Variants in FRYL observed in about 807,000 individuals in gnomAD.
FRYL encodes the protein FRY like transcription coactivator, also known as protein furry homolog-like.
FRYL carries 150 observed loss-of-function variants against 351.2 expected under a neutral mutation model. The observed-to-expected ratio is 0.43, with a 90% CI of 0.37 to 0.49. The LOEUF is 0.49. Among genes scored for constraint, FRYL ranks in the 20% least tolerant of loss-of-function variants. FRYL has a pLI of 0.00. For synonymous variants in FRYL, 1,153 were observed against 1,257.1 expected (o/e 0.92, Z 1.75); for missense variants, 3,036 against 3,619.3 (o/e 0.84, Z 4.13).
intron 3 of FRYL, chr4:48,680,917 G>A (rs757859289): frequency 2.2e-5 from 24 of 1,107,610 alleles, no homozygotes; most frequent in Admixed American, 1.5e-4. Flanking sequence ...AAAGAAATAC[G>A]TTTTTACTTT....
Position 48,521,055 on chromosome 4 carries a change from A to T in FRYL, c.7682T>A (p.Leu2561Gln). ...GCCTCCATTTCTCCCCACCTCAGGCAGCCGGCTGTTAGCATTATCTAGAGA... is the reference window on the plus strand; with the variant it reads ...GCCTCCATTTCTCCCCACCTCAGGCTGCCGGCTGTTAGCATTATCTAGAGA... ...EASLDNANSR[L>Q]PEDTTSVLKE... The change falls in exon 55 of 64, where the codon CTG becomes CAG. Residue 2561 changes from leucine (L) to glutamine (Q), a missense_variant. Leu to Gln is a moderately radical substitution (Grantham distance 113, BLOSUM62 -2). This residue lies in a region of FRYL where 1,987 missense variants were observed against 2,311.7 expected (regional missense o/e 0.86). Coordinates refer to ENST00000358350, the MANE Select transcript of FRYL (RefSeq NM_015030.2). 6.2e-7 allele frequency: 1 copy of T among 1,609,876 alleles called. No individual in the cohort carries two copies. Among genetic ancestry groups the T allele is most frequent in the Non-Finnish European group, 8.5e-7 (1 of 1,177,870 alleles).
chr4:48,739,760 C>A (rs1164849147), intron 1 of FRYL, among the ~76,000 whole-genome samples: 1 of 152,138 alleles, frequency 6.6e-6, no homozygotes, highest in Non-Finnish European at 1.5e-5. Flanking sequence ...GAAACTTAAT[C>A]CTCGATGTGG....
At chr4:48,609,534 A>T (rs1747605089) in intron 8 of FRYL, among the ~76,000 whole-genome samples, 1 of 152,022 alleles carries the variant, frequency 6.6e-6, no homozygotes, top group Non-Finnish European at 1.5e-5. Context: ...AGTTGGGAGG[A>T]TCACTTGAGC....
chr4:48,700,659 A>C (rs1386492997), intron 2 of FRYL, among the ~76,000 whole-genome samples: 4 of 150,106 alleles, frequency 2.7e-5, no homozygotes, highest in Non-Finnish European at 5.9e-5. Flanking sequence ...AATCCTAGCC[A>C]GGCATGGTGG....
At chr4:48,505,438 ACAAATATTCTTTATTTTTAGAAATAAT>A in intron 60 of FRYL, 82 bp downstream of exon 60, 1 of 722,548 alleles carries the variant, frequency 1.4e-6, no homozygotes, top group Non-Finnish European at 2.4e-6. Context: ...GAAAAGTTTT[ACAAATATTCTTTATTTTTAGAAATAAT>A]CAAATAAGGA....
At chr4:48,536,371 A>G (rs1577996300) in intron 47 of FRYL, among the ~76,000 whole-genome samples, 2 of 152,310 alleles carry the variant, frequency 1.3e-5, no homozygotes, top group East Asian at 1.9e-4. Flanking sequence ...AGAATCTCCA[A>G]TGGATGACAG....
At position 48,765,284 on chromosome 4, in the gene FRYL, T is replaced by C. The variant is rs149448446; in HGVS notation, c.-384+14794A>G. On this transcript the variant is annotated intron_variant, in intron 1 of 63. Transcript: ENST00000358350. ...CAAAGCTATACCAATCAAAGCAGTA[T>C]AGGATTGGCATAAAAACAGATAGAG... 7.1e-3 allele frequency among the ~76,000 whole-genome samples: 1,079 copies of C among 152,242 alleles called. 12 individuals carry two copies. Among genetic ancestry groups the C allele is most frequent in the Non-Finnish European group, 0.01 (694 of 68,024 alleles).
intron 3 of FRYL, among the ~76,000 whole-genome samples, chr4:48,665,899 C>T (rs1325791106): frequency 2.0e-5 from 3 of 152,218 alleles, no homozygotes; most frequent in Non-Finnish European, 2.9e-5. Context: ...TAGTAAACTA[C>T]ATTTTCAATC....
intron 19 of FRYL, among the ~76,000 whole-genome samples, chr4:48,583,886 C>A (rs1175964117): frequency 6.8e-6 from 1 of 148,000 alleles, no homozygotes; most frequent in Admixed American, 6.8e-5. Context: ...GCCTGGGCAA[C>A]AGAGCAAGAC....
At chr4:48,586,010 A>C (rs1742021355) in intron 19 of FRYL, among the ~76,000 whole-genome samples, 1 of 152,188 alleles carries the variant, frequency 6.6e-6, no homozygotes, top group South Asian at 2.1e-4. Context: ...TTTCCAGAAA[A>C]ATGTGCTGAT....
intron 3 of FRYL, among the ~76,000 whole-genome samples, chr4:48,644,507 AAAAAAAAAAGT>A (rs1755990837): frequency 6.6e-6 from 1 of 151,372 alleles, no homozygotes; most frequent in African/African-American, 2.4e-5. Flanking sequence ...TAAAAAAAAA[AAAAAAAAAAGT>A]ACCCCCTGCA....
chr4:48,505,421 C>A, intron 60 of FRYL, 126 bp downstream of exon 60: 8 of 627,486 alleles, frequency 1.3e-5, no homozygotes, highest in African/African-American at 1.9e-5. Context: ...GTTTTGATAA[C>A]CAAAATGAAA....
intron 36 of FRYL, 46 bp downstream of exon 36, chr4:48,553,169 G>C: frequency 2.7e-6 from 4 of 1,485,944 alleles, no homozygotes; most frequent in Non-Finnish European, 3.7e-6. Flanking sequence ...AGCAGATGAA[G>C]ATGTCTATCA....
chr4:48,581,571 G>A lies in FRYL; in HGVS notation c.2021C>T (p.Pro674Leu), dbSNP rs751377910. Residue 674 changes from proline (P) to leucine (L), a missense_variant, in exon 21 of 64, where the codon CCT becomes CTT. Physicochemically the swap from Pro to Leu is moderately conservative, Grantham distance 98. This residue lies in a region of FRYL where 492 missense variants were observed against 551.5 expected (regional missense o/e 0.89). Coordinates refer to ENST00000358350, the MANE Select transcript of FRYL (RefSeq NM_015030.2). ...ATTGGAATATGGGCTCCTTTCCAGA[G>A]GAGGGGGATGAGAAGCTCCATTAGC... ...GVANGASHPPPLERSPYSNVF... is the reference protein window; with the variant it reads ...GVANGASHPPLLERSPYSNVF... 6.2e-7 allele frequency: 1 copy of A among 1,612,246 alleles called. No individual in the cohort carries two copies. Among genetic ancestry groups the A allele is most frequent in the South Asian group, 1.1e-5 (1 of 90,628 alleles).
intron 1 of FRYL, among the ~76,000 whole-genome samples, chr4:48,719,306 A>G (rs1769207626): frequency 6.6e-6 from 1 of 151,610 alleles, no homozygotes; most frequent in African/African-American, 2.4e-5. Flanking sequence ...GATCTAACGC[A>G]TGCTTTATTC....
In FRYL at chr4:48,512,462, AACCCTGAACCTC is replaced by A. The variant is rs1722685076; in HGVS notation, c.8145+7_8145+18del. On this transcript the variant is annotated splice_region_variant and intron_variant, in intron 57 of 63. Coordinates refer to ENST00000358350, the MANE Select transcript of FRYL (RefSeq NM_015030.2). Reference sequence around the variant, plus strand: ...TAGGTAACTATAATATGAATTCAGAAACCCTGAACCTCACTGACCTGAAACAGCCTAGAAAAC... The same window carrying A: ...TAGGTAACTATAATATGAATTCAGAAACTGACCTGAAACAGCCTAGAAAAC... The A allele has an allele frequency of 3.8e-6, 6 of 1,564,644 alleles. No individual in the cohort carries two copies. Among genetic ancestry groups the A allele is most frequent in the Non-Finnish European group, 3.5e-6 (4 of 1,142,114 alleles).
chr4:48,556,987 G>A lies in FRYL; in HGVS notation c.4257C>T (p.Leu1419=). 6.3e-7 allele frequency: 1 copy of A among 1,589,224 alleles called. No individual in the cohort carries two copies. The highest frequency in any genetic ancestry group is 8.6e-7 in the Non-Finnish European group (1 of 1,165,046). Residue 1419 remains leucine (L), a synonymous_variant, in exon 35 of 64, where the codon CTC becomes CTT. Transcript: ENST00000358350. ...GAACTTGAATACATACGTAAGGCAA[G>A]AGGCTTGGTTCGCTATTCACCCCAC... ...SICGVNSEPS[L]LPYVKKVIVY... is the part of the protein sequence containing the mutation.
rs1357200070 is a variant in FRYL, at chr4:48,498,453, A to AAAAT, written c.*965_*968dup. 2 of 152,642 alleles carry AAAAT rather than the reference A, an allele frequency of 1.3e-5. No individual in the cohort carries two copies. The highest frequency in any genetic ancestry group is 1.9e-4 in the East Asian group (1 of 5,202). The allele number at this position is 152,642 out of a possible 1,614,324, so 9.5% of individuals were successfully genotyped here. On this transcript the variant is annotated 3_prime_UTR_variant, in exon 64 of 64. Coordinates refer to ENST00000358350, the MANE Select transcript of FRYL (RefSeq NM_015030.2). ...AGTCTCTACAGTTTCTATATGGAGTAAAATAAGTTAAAACTTTTCTAATGA... is the reference window on the plus strand; with the variant it reads ...AGTCTCTACAGTTTCTATATGGAGTAAAATAAATAAGTTAAAACTTTTCTAATGA...
rs1718749939 is a variant in FRYL at position 48,497,825 on chromosome 4, A to G, written c.*1597T>C. 1 of 152,650 alleles carries G rather than the reference A, an allele frequency of 6.6e-6. No homozygotes were observed. The highest frequency in any genetic ancestry group is 2.4e-5 in the African/African-American group (1 of 41,450). 9.5% of individuals were successfully genotyped at this position (152,650 alleles called of 1,614,324 possible). On this transcript the variant is annotated 3_prime_UTR_variant, in exon 64 of 64. Coordinates refer to ENST00000358350, the MANE Select transcript of FRYL (RefSeq NM_015030.2). ...GACCAGTTACGAAATTTTACTGGAA[A>G]TGTTTAACTGTGGTCAGCAGTCCAA...
Sources: gnomAD v4.1 joint callset for allele counts (sites outside exome capture counted in the v4.1 genomes callset) on GRCh38, gnomAD v4.1.1 for gene constraint, gnomAD v4.1.1 regional missense constraint, MANE v1.5 for transcripts, NCBI Gene and HGNC (gene_info 2026-07-23, HGNC 2026-07-21) for gene names.